Variants in ARHGAP18 observed in about 807,000 individuals in gnomAD.
The protein encoded by ARHGAP18 is rho GTPase-activating protein 18.
A neutral mutation model predicts 86.2 loss-of-function variants in ARHGAP18; 67 were observed. The observed-to-expected ratio is 0.78, with a 90% CI of 0.64 to 0.95. The LOEUF (loss-of-function observed/expected upper bound fraction) is 0.95, where lower values mean the gene tolerates loss of function less well. ARHGAP18 is among the 40% of genes least tolerant of loss of function. The pLI is 0.00. For missense variants in ARHGAP18, 691 were observed against 780.4 expected (o/e 0.89, Z 1.37); for synonymous variants, 283 against 280.4 (o/e 1.01, Z -0.09).
At position 129,577,376 on chromosome 6, in the gene ARHGAP18, T is replaced by C. The variant is rs1389016280; in HGVS notation, c.*1137A>G. ...ACCTTTTATTTACTATATTCTAAACTCATAAAATATTTAACATTTCTCTAC... is the reference window on the plus strand; with the variant it reads ...ACCTTTTATTTACTATATTCTAAACCCATAAAATATTTAACATTTCTCTAC... On this transcript the variant is annotated 3_prime_UTR_variant, in exon 15 of 15. Coordinates refer to ENST00000368149, the MANE Select transcript of ARHGAP18 (RefSeq NM_033515.3). 6.6e-6 allele frequency: 1 copy of C among 152,160 alleles called. No homozygotes were observed. Among genetic ancestry groups the C allele is most frequent in the Non-Finnish European group, 1.5e-5 (1 of 68,014 alleles). The allele number at this position is 152,160 out of a possible 1,614,324, so 9.4% of individuals were successfully genotyped here.
intron 1 of ARHGAP18, among the ~76,000 whole-genome samples, chr6:129,643,311 A>C (rs1773508072): frequency 6.6e-6 from 1 of 152,110 alleles, no homozygotes; most frequent in South Asian, 2.1e-4. Flanking sequence ...AGGTAATTTA[A>C]TCATGGGGGC....
At chr6:129,649,434 G>A (rs565456060) in intron 1 of ARHGAP18, among the ~76,000 whole-genome samples, 12 of 151,352 alleles carry the variant, frequency 7.9e-5, no homozygotes, top group Admixed American at 3.3e-4. Flanking sequence ...CACGCCTGTA[G>A]TCCCAGCTAC....
At chr6:129,670,712 T>TC (rs1271702137) in intron 1 of ARHGAP18, among the ~76,000 whole-genome samples, 4 of 129,144 alleles carry the variant, frequency 3.1e-5, no homozygotes, top group Middle Eastern at 3.8e-3. Flanking sequence ...TTTTACTGCC[T>TC]CCCCCCACCA....
intron 1 of ARHGAP18, among the ~76,000 whole-genome samples, chr6:129,658,707 T>A (rs571884699): frequency 1.8e-4 from 27 of 152,346 alleles, no homozygotes; most frequent in African/African-American, 6.0e-4. Context: ...AGTTCTTCAG[T>A]TTGGTGATTC....
intron 1 of ARHGAP18, among the ~76,000 whole-genome samples, chr6:129,642,544 C>T (rs949894555): frequency 6.6e-6 from 1 of 151,942 alleles, no homozygotes; most frequent in Non-Finnish European, 1.5e-5. Context: ...GATCCTCCCA[C>T]CTCAACCTCC....
intron 1 of ARHGAP18, among the ~76,000 whole-genome samples, chr6:129,677,175 G>A (rs989167341): frequency 1.3e-5 from 2 of 151,992 alleles, no homozygotes; most frequent in South Asian, 2.1e-4. Flanking sequence ...GGCGGATCAC[G>A]AGGTCAGGAG....
At chr6:129,652,974 T>A (rs1444255106) in intron 1 of ARHGAP18, among the ~76,000 whole-genome samples, 2 of 152,166 alleles carry the variant, frequency 1.3e-5, no homozygotes, top group African/African-American at 2.4e-5. Flanking sequence ...CTTTCTATGC[T>A]AATAAAAACA....
chr6:129,589,535 G>A (rs9483045), intron 12 of ARHGAP18, among the ~76,000 whole-genome samples: 68,027 of 151,906 alleles, frequency 0.45, 17,129 homozygotes, highest in African/African-American at 0.68. Context: ...ACTTTCCCAC[G>A]TCTTCCTGTC....
intron 6 of ARHGAP18, among the ~76,000 whole-genome samples, chr6:129,617,744 A>T (rs1207148178): frequency 1.3e-5 from 2 of 152,198 alleles, no homozygotes; most frequent in African/African-American, 4.8e-5. Context: ...GTAAGCTAAA[A>T]TACTCAAAGG....
chr6:129,599,202 C>A lies in ARHGAP18; in HGVS notation c.1713+14G>T. 6.6e-7 allele frequency: 1 copy of A among 1,517,918 alleles called. No homozygotes were observed. Among genetic ancestry groups the A allele is most frequent in the Non-Finnish European group, 8.8e-7 (1 of 1,139,528 alleles). 94.0% of individuals were successfully genotyped at this position (1,517,918 alleles called of 1,614,324 possible). A position where few individuals can be genotyped will look rare whatever the true frequency, so the allele number is the denominator to read the frequency against. On this transcript the variant is annotated intron_variant, in intron 12 of 14. Transcript: ENST00000368149. ...TAAGATCTGAATAAATACATATCTC[C>A]ACTATTTTCTTACATCATTTGTACT...
At chr6:129,676,948 T>TTTTTTTTTTTTTTTTTC (rs1562721207) in intron 1 of ARHGAP18, among the ~76,000 whole-genome samples, 1 of 107,076 alleles carries the variant, frequency 9.3e-6, no homozygotes, top group African/African-American at 3.8e-5. Context: ...TTTTTTTTTT[T>TTTTTTTTTTTTTTTTTC]AAGGAAGGAA....
At chr6:129,699,464 C>T (rs1774676458) in intron 1 of ARHGAP18, among the ~76,000 whole-genome samples, 1 of 152,170 alleles carries the variant, frequency 6.6e-6, no homozygotes, top group African/African-American at 2.4e-5. Flanking sequence ...AAACCCCCAA[C>T]TTAGTTGAAG....
At chr6:129,608,136 T>C in intron 8 of ARHGAP18, 84 bp from the exon 9 acceptor site, 2 of 1,423,908 alleles carry the variant, frequency 1.4e-6, no homozygotes, top group Non-Finnish European at 1.8e-6. Context: ...TGACACATTT[T>C]CACTTTCAAG....
chr6:129,705,356 GGAGT>G (rs1224066126), intron 1 of ARHGAP18, among the ~76,000 whole-genome samples: 1 of 152,216 alleles, frequency 6.6e-6, no homozygotes, highest in Non-Finnish European at 1.5e-5. Flanking sequence ...CATGGAGACA[GGAGT>G]GAGTCCAGCT....
chr6:129,592,193 T>C (rs989701005), intron 12 of ARHGAP18, among the ~76,000 whole-genome samples: 5 of 152,204 alleles, frequency 3.3e-5, no homozygotes, highest in African/African-American at 1.2e-4. Context: ...GTAATCTGAT[T>C]TTCCACTTGG....
At chr6:129,639,691 A>G (rs1027089967) in intron 2 of ARHGAP18, among the ~76,000 whole-genome samples, 1 of 152,226 alleles carries the variant, frequency 6.6e-6, no homozygotes, top group African/African-American at 2.4e-5. Flanking sequence ...TTCAAGAGAC[A>G]TAAGCCAGTG....
intron 1 of ARHGAP18, among the ~76,000 whole-genome samples, chr6:129,655,415 G>A (rs1480247595): frequency 2.6e-5 from 4 of 150,996 alleles, no homozygotes; most frequent in African/African-American, 9.7e-5. Flanking sequence ...AAAGGATTAA[G>A]AGCATGTAAT....
At chr6:129,674,601 A>G (rs1774198670) in intron 1 of ARHGAP18, among the ~76,000 whole-genome samples, 1 of 152,244 alleles carries the variant, frequency 6.6e-6, no homozygotes, top group African/African-American at 2.4e-5. Context: ...GAATCTATGC[A>G]AGTAAAGTGA....
At chr6:129,625,681 ATATTTATATATTATATATT>A (rs1789414897) in intron 5 of ARHGAP18, among the ~76,000 whole-genome samples, 1 of 70,746 alleles carries the variant, frequency 1.4e-5, no homozygotes, top group South Asian at 4.4e-4. Flanking sequence ...TATATTATAT[ATATTTATATATTATATATT>A]TATATATTAT....
Sources: allele counts gnomAD v4.1 joint callset (sites outside exome capture counted in the v4.1 genomes callset), GRCh38; gene constraint gnomAD v4.1.1; transcripts MANE v1.5; gene names NCBI Gene and HGNC (gene_info 2026-07-23, HGNC 2026-07-21).